USH2A: variants seen among roughly 807,000 people sequenced by gnomAD.
USH2A encodes the protein usherin.
In USH2A, 443 loss-of-function variants were observed where a neutral mutation model predicts 538.9. The ratio of observed to expected loss-of-function variants is 0.82; its 90% confidence interval spans 0.76 to 0.89. The LOEUF (loss-of-function observed/expected upper bound fraction) is 0.89. USH2A is among the 40% of genes least tolerant of loss of function. USH2A has a pLI of 0.00. For synonymous variants in USH2A, 2,413 were observed against 2,273.5 expected, an observed-to-expected ratio of 1.06 and a Z score of -1.75; for missense variants, 6,633 against 6,324.8, an observed-to-expected ratio of 1.05 and a Z score of -1.65.
chr1:216,346,843 C>T (rs58809093), intron 4 of USH2A, among the ~76,000 whole-genome samples: 2,757 of 152,018 alleles, frequency 0.018, 89 homozygotes, highest in African/African-American at 0.061. Flanking sequence ...AAAAATCTTA[C>T]TGGATCTTTT....
chr1:216,124,031 A>C (rs946292927), intron 21 of USH2A, among the ~76,000 whole-genome samples: 2 of 152,156 alleles, frequency 1.3e-5, no homozygotes, highest in African/African-American at 4.8e-5. Flanking sequence ...TTCCTTATCC[A>C]CAGAAAGGTA....
At chr1:215,730,633 T>C (rs1191787637) in intron 60 of USH2A, among the ~76,000 whole-genome samples, 1 of 152,190 alleles carries the variant, frequency 6.6e-6, no homozygotes, top group African/African-American at 2.4e-5. Context: ...ACAGTTACCT[T>C]TCACAAAAAG....
chr1:215,924,483 A>G (rs556904591), intron 38 of USH2A, among the ~76,000 whole-genome samples: 1 of 152,246 alleles, frequency 6.6e-6, no homozygotes, highest in African/African-American at 2.4e-5. Flanking sequence ...CAGTTTGTCT[A>G]TGAAAAAATG....
chr1:216,221,645 G>A lies in USH2A; in HGVS notation c.2994-4095C>T, dbSNP rs78168987. ...CAAATAGAGAAACTCATAAAAGCTG[G>A]ACCAGGGGCAGTGACTCCCTTGCAT... is the stretch of plus-strand genomic sequence containing the variant. On this transcript the variant is annotated intron_variant, in intron 14 of 71. Coordinates refer to ENST00000307340, the MANE Select transcript of USH2A (RefSeq NM_206933.4). 6.6e-5 allele frequency among the ~76,000 whole-genome samples: 10 copies of A among 152,284 alleles called. No homozygotes were observed. In the East Asian group the frequency reaches 1.9e-3, roughly 29 times the overall value.
intron 61 of USH2A, among the ~76,000 whole-genome samples, chr1:215,718,019 A>G (rs945659209): frequency 5.9e-5 from 9 of 152,310 alleles, no homozygotes; most frequent in Non-Finnish European, 1.2e-4. Flanking sequence ...ATTTATACAA[A>G]TTTAAACCCT....
intron 69 of USH2A, among the ~76,000 whole-genome samples, chr1:215,635,531 T>TTATATTTATTTA (rs1553248938): frequency 7.0e-6 from 1 of 142,068 alleles, no homozygotes; most frequent in Non-Finnish European, 1.5e-5. Context: ...GTAGGATTAT[T>TTATATTTATTTA]TTTATTTATT....
intron 64 of USH2A, among the ~76,000 whole-genome samples, chr1:215,655,407 C>A (rs544005599): frequency 1.3e-5 from 2 of 152,254 alleles, no homozygotes; most frequent in South Asian, 4.2e-4. Flanking sequence ...TTTGTAGAAC[C>A]ACTTCTTGCC....
At chr1:216,186,320 G>C (rs1410188902) in intron 20 of USH2A, among the ~76,000 whole-genome samples, 1 of 151,500 alleles carries the variant, frequency 6.6e-6, no homozygotes, top group Admixed American at 6.6e-5. Context: ...ATGCTAATTA[G>C]GGTAATCCCC....
chr1:216,003,527 A>G (rs1197849199), intron 32 of USH2A, among the ~76,000 whole-genome samples: 2 of 152,042 alleles, frequency 1.3e-5, no homozygotes, highest in East Asian at 1.9e-4. Context: ...GATGAGTGTA[A>G]AAGTTATGGG....
intron 43 of USH2A, among the ~76,000 whole-genome samples, chr1:215,875,928 T>TACA: frequency 6.8e-6 from 1 of 146,434 alleles, no homozygotes; most frequent in South Asian, 2.1e-4. Context: ...TATATATTGA[T>TACA]TATTATATAT....
chr1:216,074,900 A>C lies in USH2A; in HGVS notation c.5573-1600T>G, dbSNP rs79564663. 1.5e-3 allele frequency among the ~76,000 whole-genome samples: 235 copies of C among 152,292 alleles called. 1 individual carries two copies. Among genetic ancestry groups the C allele is most frequent in the African/African-American group, 5.6e-3 (234 of 41,552 alleles). On this transcript the variant is annotated intron_variant, in intron 27 of 71. Transcript: ENST00000307340. Reference sequence around the variant, plus strand: ...GAGGGGTACATAGTTTTAGCTTTGCAGGATGAAAAGAGTTCTTCAGAGGGA... The same window carrying C: ...GAGGGGTACATAGTTTTAGCTTTGCCGGATGAAAAGAGTTCTTCAGAGGGA...
At chr1:215,805,591 G>A (rs912781850) in intron 49 of USH2A, among the ~76,000 whole-genome samples, 1 of 152,066 alleles carries the variant, frequency 6.6e-6, no homozygotes, top group Non-Finnish European at 1.5e-5. Context: ...TAAATTTTAT[G>A]TGGTGTATAC....
intron 47 of USH2A, among the ~76,000 whole-genome samples, chr1:215,829,970 C>A (rs140648363): frequency 2.6e-5 from 4 of 152,272 alleles, no homozygotes; most frequent in Non-Finnish European, 5.9e-5. Flanking sequence ...CAGCTTATCT[C>A]TCCCACTGAT....
chr1:215,998,854 T>G, intron 34 of USH2A, 33 bp downstream of exon 34: 1 of 1,605,848 alleles, frequency 6.2e-7, no homozygotes, highest in Non-Finnish European at 8.5e-7. Context: ...GTGGAAGGAA[T>G]GGGGACAGAG....
intron 9 of USH2A, among the ~76,000 whole-genome samples, chr1:216,296,289 C>T (rs1428614218): frequency 1.3e-5 from 2 of 152,006 alleles, no homozygotes; most frequent in African/African-American, 2.4e-5. Context: ...TAAAATATCA[C>T]TGTAATATTC....
chr1:216,383,010 T>C (rs1198262236), intron 3 of USH2A, among the ~76,000 whole-genome samples: 3 of 152,094 alleles, frequency 2.0e-5, no homozygotes, highest in Admixed American at 1.3e-4. Context: ...TACCATATTC[T>C]CAAGAAAACA....
At position 216,283,379 on chromosome 1, in the gene USH2A, C is replaced by T. The variant is rs555360329; in HGVS notation, c.1971+5901G>A. 3.8e-4 allele frequency among the ~76,000 whole-genome samples: 58 copies of T among 152,274 alleles called. 1 individual carries two copies. In the South Asian group the frequency reaches 8.1e-3, roughly 21 times the overall value. On this transcript the variant is annotated intron_variant, in intron 11 of 71. Transcript: ENST00000307340. Reference sequence around the variant, plus strand: ...TGCTGGGATTACAGGCATGAGCCACCGCGCCCAGCCTGAATTTATTAGTTT... The same window carrying T: ...TGCTGGGATTACAGGCATGAGCCACTGCGCCCAGCCTGAATTTATTAGTTT...
chr1:215,640,844 CA>C lies in USH2A; in HGVS notation c.14792-111del, dbSNP rs56212994. On this transcript the variant is annotated intron_variant, in intron 67 of 71. Transcript: ENST00000307340. ...CAAAATCAAACCGAACCAATCCAAA[CA>C]AAAAAAAAAAAAAAAAAGAAAACCA... 0.51 allele frequency: 251,932 copies of C among 495,554 alleles called. 32,075 individuals carry two copies. Among genetic ancestry groups the C allele is most frequent in the Admixed American group, 0.6 (13,531 of 22,674 alleles). 30.7% of individuals were successfully genotyped at this position (495,554 alleles called of 1,614,324 possible).
chr1:215,786,998 T>A, intron 51 of USH2A, 124 bp from the exon 52 acceptor site: 1 of 880,404 alleles, frequency 1.1e-6, no homozygotes, highest in East Asian at 2.7e-5. Context: ...GAATGAATAT[T>A]TCAAAATTTA....
Sources: gnomAD v4.1 joint callset for allele counts (sites outside exome capture counted in the v4.1 genomes callset) on GRCh38, gnomAD v4.1.1 for gene constraint, MANE v1.5 for transcripts, NCBI Gene and HGNC (gene_info 2026-07-23, HGNC 2026-07-21) for gene names.